FBXO28: variants seen among roughly 807,000 people sequenced by gnomAD.
The protein encoded by FBXO28 is F-box only protein 28.
FBXO28 carries 8 observed loss-of-function variants against 38.1 expected under a neutral mutation model. The ratio of observed to expected loss-of-function variants is 0.21; its 90% confidence interval spans 0.12 to 0.38. The LOEUF (loss-of-function observed/expected upper bound fraction) is 0.38, where lower values mean the gene tolerates loss of function less well. Among genes scored for constraint, FBXO28 ranks in the 10% least tolerant of loss-of-function variants. FBXO28 has a pLI of 1.00. For synonymous variants in FBXO28, 168 were observed against 173.8 expected, an observed-to-expected ratio of 0.97 and a Z score of 0.26; for missense variants, 345 against 460.6, an observed-to-expected ratio of 0.75 and a Z score of 2.30.
rs531255304 is a variant in FBXO28 at position 224,118,212 on chromosome 1, A to G, written c.267+3816A>G. On this transcript the variant is annotated intron_variant, in intron 1 of 4. Coordinates refer to ENST00000366862, the MANE Select transcript of FBXO28 (RefSeq NM_015176.4). ...GTGGTCCGCCCACCTCAGCCTTCCA[A>G]AGTGCTGGGATTACAGACGTGAGCC... is the stretch of plus-strand genomic sequence containing the variant. 5.3e-5 allele frequency among the ~76,000 whole-genome samples: 8 copies of G among 151,938 alleles called. No homozygotes were observed. In the South Asian group the frequency reaches 1.7e-3, roughly 32 times the overall value.
intron 3 of FBXO28, among the ~76,000 whole-genome samples, chr1:224,148,025 G>C (rs1057389763): frequency 6.6e-6 from 1 of 152,052 alleles, no homozygotes; most frequent in Non-Finnish European, 1.5e-5. Context: ...ACAAAGAAAA[G>C]AAACTATTTT....
At chr1:224,145,696 G>A (rs1201140751) in intron 3 of FBXO28, among the ~76,000 whole-genome samples, 1 of 152,134 alleles carries the variant, frequency 6.6e-6, no homozygotes, top group African/African-American at 2.4e-5. Context: ...GCTGATGCGG[G>A]CAGATCACCT....
In FBXO28 at chr1:224,114,288, G is replaced by A. The variant is rs1255910498; in HGVS notation, c.159G>A (p.Leu53=). 6 of 1,559,280 alleles carry A rather than the reference G, an allele frequency of 3.8e-6. No homozygotes were observed. Among genetic ancestry groups the A allele is most frequent in the Non-Finnish European group, 5.2e-6 (6 of 1,151,670 alleles). ...PGSQALPAPA[L]APDQLPQNNT... ...CCCAGGCGCTCCCAGCCCCCGCGCT[G>A]GCTCCGGACCAGCTGCCTCAAAACA... The change falls in exon 1 of 5, where the codon CTG becomes CTA. Residue 53 remains leucine, a synonymous_variant. Coordinates refer to ENST00000366862, the MANE Select transcript of FBXO28 (RefSeq NM_015176.4).
rs1657839519 is a variant in FBXO28, at chr1:224,159,149, A to G, written c.*1403A>G. On this transcript the variant is annotated 3_prime_UTR_variant, in exon 5 of 5. Coordinates refer to ENST00000366862, the MANE Select transcript of FBXO28 (RefSeq NM_015176.4). ...GCTATTTGACTGTTAAGTTCTTTTA[A>G]ACAACTGTTTCCTTGGGCTTCAGTT... The G allele has an allele frequency of 6.6e-6, 1 of 152,584 alleles. No individual in the cohort carries two copies. Among genetic ancestry groups the G allele is most frequent in the African/African-American group, 2.4e-5 (1 of 41,456 alleles). 9.5% of individuals were successfully genotyped at this position (152,584 alleles called of 1,614,324 possible). A position where few individuals can be genotyped will look rare whatever the true frequency, so the allele number is the denominator to read the frequency against.
intron 1 of FBXO28, among the ~76,000 whole-genome samples, chr1:224,128,303 T>A (rs1656953187): frequency 6.6e-6 from 1 of 151,714 alleles, no homozygotes; most frequent in Non-Finnish European, 1.5e-5. Flanking sequence ...GTCTACCCCA[T>A]ATGGTGAGAA....
At chr1:224,157,319 A>G in intron 4 of FBXO28, 33 bp from the exon 5 acceptor site, 1 of 1,547,406 alleles carries the variant, frequency 6.5e-7, no homozygotes, top group Non-Finnish European at 8.7e-7. Flanking sequence ...AGACATTTTA[A>G]GTGACTGACC....
At chr1:224,146,927 C>G (rs947547747) in intron 3 of FBXO28, among the ~76,000 whole-genome samples, 13 of 149,738 alleles carry the variant, frequency 8.7e-5, no homozygotes, top group African/African-American at 1.2e-4. Context: ...AGGCTGGTCT[C>G]GAACTCCTGA....
intron 3 of FBXO28, among the ~76,000 whole-genome samples, chr1:224,147,831 A>T (rs1657547542): frequency 1.9e-5 from 1 of 52,592 alleles, no homozygotes; most frequent in Admixed American, 2.6e-4. Flanking sequence ...ATTTGCAAAA[A>T]AAAAAAAAAA....
intron 3 of FBXO28, 65 bp downstream of exon 3, chr1:224,134,277 A>G (rs1657124277): frequency 1.3e-6 from 2 of 1,513,494 alleles, no homozygotes; most frequent in South Asian, 2.4e-5. Flanking sequence ...TACAGTTATG[A>G]ATTTCTGATT....
At chr1:224,154,072 G>A (rs1416379806) in intron 4 of FBXO28, among the ~76,000 whole-genome samples, 1 of 152,078 alleles carries the variant, frequency 6.6e-6, no homozygotes, top group African/African-American at 2.4e-5. Context: ...ATTTACAATG[G>A]GGTTACATCC....
At position 224,142,221 on chromosome 1, in the gene FBXO28, G is replaced by A. The variant is rs547486581; in HGVS notation, c.516+8009G>A. Reference sequence around the variant, plus strand: ...GCAAAAATTAGCCAGGCGTGGTGGCGTGCACCTGTAGTCCCAGCTACTCGG... The same window carrying A: ...GCAAAAATTAGCCAGGCGTGGTGGCATGCACCTGTAGTCCCAGCTACTCGG... On this transcript the variant is annotated intron_variant, in intron 3 of 4. Transcript: ENST00000366862. Among the ~76,000 whole-genome samples the A allele has an allele frequency of 6.6e-5, 10 of 151,862 alleles. No individual in the cohort carries two copies. The East Asian group carries it at 1.2e-3, about 18-fold the overall frequency.
At chr1:224,119,135 C>CTTTTTTTTTTTTTTTTTTTTTTTTTTTT (rs67458349) in intron 1 of FBXO28, among the ~76,000 whole-genome samples, 1 of 109,910 alleles carries the variant, frequency 9.1e-6, no homozygotes, top group Admixed American at 1.2e-4. Context: ...TCTTTTTTTT[C>CTTTTTTTTTTTTTTTTTTTTTTTTTTTT]TTTTTTTTTT....
chr1:224,129,955 G>A (rs990207570), intron 1 of FBXO28, among the ~76,000 whole-genome samples: 20 of 150,136 alleles, frequency 1.3e-4, no homozygotes, highest in African/African-American at 3.9e-4. Context: ...GCGCCACTGC[G>A]CTCCAGCCTG....
chr1:224,124,961 A>G (rs565400288), intron 1 of FBXO28, among the ~76,000 whole-genome samples: 1 of 152,268 alleles, frequency 6.6e-6, no homozygotes, highest in East Asian at 1.9e-4. Flanking sequence ...TCCTAACCTC[A>G]GCTGATGCGC....
chr1:224,123,094 A>G (rs1333756154), intron 1 of FBXO28, among the ~76,000 whole-genome samples: 1 of 151,950 alleles, frequency 6.6e-6, no homozygotes, highest in African/African-American at 2.4e-5. Context: ...AAAAAAGGAT[A>G]GGTTCTGATG....
intron 1 of FBXO28, among the ~76,000 whole-genome samples, chr1:224,121,939 C>T (rs1013269421): frequency 2.0e-5 from 3 of 152,132 alleles, no homozygotes; most frequent in Admixed American, 2.0e-4. Flanking sequence ...CCACGCCTGG[C>T]TAATGTTTGT....
In FBXO28 at chr1:224,145,008, G is replaced by A. The variant is rs542062873; in HGVS notation, c.517-8134G>A. Among the ~76,000 whole-genome samples the A allele has an allele frequency of 1.3e-4, 20 of 151,942 alleles. No homozygotes were observed. The East Asian group carries it at 3.3e-3, about 25-fold the overall frequency. ...ATTAGAAGTGTTTTAGGGGCCGGGC[G>A]CGGTGGCTCACACCTATAATCCTAG... On this transcript the variant is annotated intron_variant, in intron 3 of 4. Transcript: ENST00000366862.
At chr1:224,153,404 A>G in intron 4 of FBXO28, 67 bp downstream of exon 4, 1 of 1,252,280 alleles carries the variant, frequency 8.0e-7, no homozygotes, top group Non-Finnish European at 1.1e-6. Context: ...TTTCCACTTA[A>G]CCAGTGTCTT....
chr1:224,153,104 GA>G (rs749291457), intron 3 of FBXO28, 37 bp from the exon 4 acceptor site: 2 of 1,537,200 alleles, frequency 1.3e-6, no homozygotes, highest in South Asian at 2.5e-5. Flanking sequence ...TATTAAAAAA[GA>G]AAAATCTAAA....
Sources: allele counts gnomAD v4.1 joint callset (sites outside exome capture counted in the v4.1 genomes callset), GRCh38; gene constraint gnomAD v4.1.1; transcripts MANE v1.5; gene names NCBI Gene and HGNC (gene_info 2026-07-23, HGNC 2026-07-21).